The following PCDH11X variants were observed in gnomAD, a reference collection of about 807,000 sequenced individuals.
The protein encoded by PCDH11X is protocadherin-11 X-linked.
A neutral mutation model predicts 53.3 loss-of-function variants in PCDH11X; 18 were observed. The observed-to-expected ratio is 0.34, with a 90% CI of 0.23 to 0.50. The LOEUF is 0.50. Among genes scored for constraint, PCDH11X ranks in the 20% least tolerant of loss-of-function variants. The pLI, the probability that PCDH11X is intolerant of heterozygous loss-of-function variation, is 0.98. For missense variants in PCDH11X, 570 were observed against 1,032.4 expected (o/e 0.55, Z 6.14); for synonymous variants, 279 against 393.3 (o/e 0.71, Z 3.44).
intron 6 of PCDH11X, among the ~76,000 whole-genome samples, chrX:91,914,341 G>A (rs887661027): frequency 5.4e-5 from 6 of 110,917 alleles, no homozygotes; most frequent in African/African-American, 2.0e-4. Flanking sequence ...ATAGAACACG[G>A]TTCTATAACA....
intron 7 of PCDH11X, among the ~76,000 whole-genome samples, chrX:92,210,852 T>C (rs2066571873): frequency 9.0e-6 from 1 of 111,523 alleles, no homozygotes; most frequent in South Asian, 3.7e-4. Context: ...CCCAGTAAGT[T>C]CCTCATCTTC....
At chrX:92,343,801 T>G (rs2069823456) in intron 8 of PCDH11X, among the ~76,000 whole-genome samples, 1 of 111,586 alleles carries the variant, frequency 9.0e-6, no homozygotes, top group African/African-American at 3.2e-5. Flanking sequence ...TTTTGGACAT[T>G]CAATTATACA....
At chrX:92,562,657 CA>C (rs2075149383) in intron 10 of PCDH11X, among the ~76,000 whole-genome samples, 1 of 110,131 alleles carries the variant, frequency 9.1e-6, no homozygotes, top group Non-Finnish European at 1.9e-5. Flanking sequence ...GCAGCCAGGC[CA>C]AATCTTGAAT....
At chrX:92,500,140 T>C (rs1324455884) in intron 10 of PCDH11X, among the ~76,000 whole-genome samples, 1 of 111,359 alleles carries the variant, frequency 9.0e-6, no homozygotes, top group Non-Finnish European at 1.9e-5. Flanking sequence ...CAGACTTCCA[T>C]TGCAATCAAG....
intron 8 of PCDH11X, among the ~76,000 whole-genome samples, chrX:92,368,806 C>T (rs1463050422): frequency 6.4e-5 from 7 of 109,287 alleles, no homozygotes; most frequent in Middle Eastern, 4.7e-3. Context: ...AGACCCTGTT[C>T]GCCTGGGTAT....
chrX:92,604,724 G>C (rs1465481561), intron 10 of PCDH11X, among the ~76,000 whole-genome samples: 1 of 109,987 alleles, frequency 9.1e-6, no homozygotes, highest in African/African-American at 3.3e-5. Context: ...TCAATGCATT[G>C]AATGTAAAAT....
In PCDH11X at chrX:91,878,951, C is replaced by T. The variant is rs1939761844; in HGVS notation, c.2711C>T (p.Thr904Ile). The T allele has an allele frequency of 8.3e-7, 1 of 1,211,630 alleles. No individual in the cohort carries two copies. Residue 904 changes from threonine to isoleucine, a missense_variant, in exon 6 of 11, where the codon ACA (threonine) becomes ATA (isoleucine). Transcript: ENST00000682573. ...DDVDSDGNRVTLDLPIDLEEQ... is the reference protein window; with the variant it reads ...DDVDSDGNRVILDLPIDLEEQ... Reference sequence around the variant, plus strand: ...GTTGACAGTGATGGAAACAGAGTCACACTAGACCTTCCTATTGATCTAGAA... The same window carrying T: ...GTTGACAGTGATGGAAACAGAGTCATACTAGACCTTCCTATTGATCTAGAA...
intron 8 of PCDH11X, among the ~76,000 whole-genome samples, chrX:92,383,244 C>T (rs1179275139): frequency 5.5e-5 from 6 of 108,973 alleles, no homozygotes; most frequent in Non-Finnish European, 1.1e-4. Flanking sequence ...AAAAAGTTTG[C>T]TGAACCTTCA....
At chrX:92,456,860 C>T (rs1484541808) in intron 9 of PCDH11X, among the ~76,000 whole-genome samples, 1 of 107,957 alleles carries the variant, frequency 9.3e-6, no homozygotes, top group African/African-American at 3.4e-5. Context: ...AAGATTGGTT[C>T]TCCACAGTAG....
In PCDH11X at chrX:92,081,524, C is replaced by T. The variant is rs192882696; in HGVS notation, c.3034-119851C>T. On this transcript the variant is annotated intron_variant, in intron 6 of 10. Transcript: ENST00000682573. ...ATTAAGCACTTACTATGTGGCTAAT[C>T]ATTGTAGGCTACAATGAGATCTATG... Among the ~76,000 whole-genome samples the T allele has an allele frequency of 1.3e-3, 146 of 110,485 alleles. 1 individual carries two copies. The East Asian group carries it at 0.033, about 25-fold the overall frequency.
intron 7 of PCDH11X, among the ~76,000 whole-genome samples, chrX:92,223,291 CCTT>C (rs1253398077): frequency 8.9e-6 from 1 of 111,955 alleles, no homozygotes; most frequent in Non-Finnish European, 1.9e-5. Flanking sequence ...TTAGCCACTA[CCTT>C]CTTATTCATC....
intron 7 of PCDH11X, among the ~76,000 whole-genome samples, chrX:92,255,239 C>A (rs1399229044): frequency 9.3e-6 from 1 of 107,427 alleles, no homozygotes; most frequent in Non-Finnish European, 1.9e-5. Context: ...GCATCGGCTC[C>A]TGAGGCTTCT....
intron 4 of PCDH11X, among the ~76,000 whole-genome samples, chrX:91,830,577 G>A (rs1409393518): frequency 9.1e-6 from 1 of 110,387 alleles, no homozygotes; most frequent in Non-Finnish European, 1.9e-5. Context: ...TACTTTTATT[G>A]CAATGTTCTA....
At chrX:92,446,542 T>A (rs1295723846) in intron 9 of PCDH11X, among the ~76,000 whole-genome samples, 1 of 111,258 alleles carries the variant, frequency 9.0e-6, no homozygotes, top group Non-Finnish European at 1.9e-5. Context: ...GCTCTCTCTT[T>A]GCCTGCTGCC....
intron 9 of PCDH11X, among the ~76,000 whole-genome samples, chrX:92,416,598 G>A (rs886328814): frequency 2.7e-5 from 3 of 110,194 alleles, no homozygotes; most frequent in Admixed American, 9.7e-5. Context: ...AATAACTAGA[G>A]AAGTGGAGTT....
intron 8 of PCDH11X, among the ~76,000 whole-genome samples, chrX:92,347,776 T>C (rs994182833): frequency 2.7e-5 from 3 of 112,048 alleles, no homozygotes; most frequent in Non-Finnish European, 1.9e-5. Flanking sequence ...TTCTTGCTTA[T>C]TATCTATATT....
intron 6 of PCDH11X, among the ~76,000 whole-genome samples, chrX:92,193,569 A>G (rs1020344083): frequency 3.6e-5 from 4 of 111,025 alleles, no homozygotes; most frequent in African/African-American, 1.3e-4. Context: ...ATTTGGCCAA[A>G]CTATTCCTCT....
chrX:92,419,275 CTT>C (rs200748988), intron 9 of PCDH11X, among the ~76,000 whole-genome samples: 1 of 88,930 alleles, frequency 1.1e-5, no homozygotes, highest in Non-Finnish European at 2.2e-5. Context: ...TTTTTTTGTT[CTT>C]TTTTTTTTTT....
intron 10 of PCDH11X, among the ~76,000 whole-genome samples, chrX:92,491,748 C>T (rs148805970): frequency 0.024 from 2,696 of 111,117 alleles, 77 homozygotes; most frequent in African/African-American, 0.084. Context: ...CCTCTCCTTA[C>T]GCCTGATAAC....
Sources: allele counts gnomAD v4.1 joint callset (sites outside exome capture counted in the v4.1 genomes callset), GRCh38; gene constraint gnomAD v4.1.1; transcripts MANE v1.5; gene names NCBI Gene and HGNC (gene_info 2026-07-23, HGNC 2026-07-21).